The following BBS9 variants were observed in gnomAD, a reference collection of about 807,000 sequenced individuals.
BBS9 encodes protein PTHB1.
Under a neutral mutation model 117.7 loss-of-function variants are expected in BBS9, and 89 were observed. That is an observed-to-expected ratio of 0.76 (90% confidence interval 0.64 to 0.90). The LOEUF (loss-of-function observed/expected upper bound fraction) is 0.90, where lower values mean the gene tolerates loss of function less well. Among genes scored for constraint, BBS9 ranks in the 40% least tolerant of loss-of-function variants. The pLI is 0.00. For missense variants in BBS9, 982 were observed against 1,042.2 expected (o/e 0.94, Z 0.80); for synonymous variants, 379 against 370.9 (o/e 1.02, Z -0.25).
At chr7:33,472,959 C>A (rs1841266706) in intron 19 of BBS9, among the ~76,000 whole-genome samples, 1 of 152,172 alleles carries the variant, frequency 6.6e-6, no homozygotes, top group Non-Finnish European at 1.5e-5. Context: ...GGTGACTTGG[C>A]TGGGTATTGA....
chr7:33,131,156 A>G (rs569732348), intron 1 of BBS9, among the ~76,000 whole-genome samples: 54 of 152,292 alleles, frequency 3.5e-4, no homozygotes, highest in South Asian at 2.7e-3. Context: ...GGCATTCGTA[A>G]TTGTGTCTTG....
chr7:33,381,936 C>A (rs779383331), intron 17 of BBS9, among the ~76,000 whole-genome samples: 1 of 151,976 alleles, frequency 6.6e-6, no homozygotes, highest in Non-Finnish European at 1.5e-5. Flanking sequence ...ATAACCAATC[C>A]GAAGAAGTAA....
At chr7:33,381,790 A>G (rs1258055023) in intron 17 of BBS9, among the ~76,000 whole-genome samples, 1 of 152,182 alleles carries the variant, frequency 6.6e-6, no homozygotes, top group African/African-American at 2.4e-5. Context: ...TTCAGCAGCA[A>G]AGACCAGTGT....
At chr7:33,429,173 C>T (rs987479408) in intron 19 of BBS9, among the ~76,000 whole-genome samples, 2 of 151,878 alleles carry the variant, frequency 1.3e-5, no homozygotes, top group African/African-American at 4.8e-5. Context: ...ATATGTGTAG[C>T]AGTTTTCTTT....
At chr7:33,136,369 A>G (rs1389263677) in intron 1 of BBS9, among the ~76,000 whole-genome samples, 1 of 152,018 alleles carries the variant, frequency 6.6e-6, no homozygotes, top group Admixed American at 6.6e-5. Context: ...CCTAATTGCT[A>G]TAGTTGAGAG....
Position 33,239,131 on chromosome 7 carries a change from A to AT in BBS9, c.443-18099dup, listed in dbSNP as rs1055208719. On this transcript the variant is annotated intron_variant, in intron 5 of 22. Transcript: ENST00000242067. ...ATCTGTGCCAATACCAGGTAGTATC[A>AT]TTTTTTGAAAGTTTTTAAAAGTTCC... is the stretch of plus-strand genomic sequence containing the variant. Among the ~76,000 whole-genome samples the AT allele has an allele frequency of 3.3e-5, 5 of 152,210 alleles. No individual in the cohort carries two copies. In the East Asian group the frequency reaches 7.7e-4, roughly 24 times the overall value.
intron 17 of BBS9, among the ~76,000 whole-genome samples, chr7:33,371,084 T>A (rs1213375300): frequency 6.6e-6 from 1 of 152,148 alleles, no homozygotes; most frequent in Non-Finnish European, 1.5e-5. Flanking sequence ...ATTTTCAGAG[T>A]GTTCAAAATA....
chr7:33,599,240 A>G (rs1021188613), intron 21 of BBS9, among the ~76,000 whole-genome samples: 19 of 151,630 alleles, frequency 1.3e-4, no homozygotes, highest in African/African-American at 2.4e-4. Flanking sequence ...AGATTAGCCA[A>G]CTCCCTAGGT....
At chr7:33,542,774 T>G (rs1852570137) in intron 21 of BBS9, among the ~76,000 whole-genome samples, 1 of 103,202 alleles carries the variant, frequency 9.7e-6, no homozygotes, top group African/African-American at 4.2e-5. Flanking sequence ...TATATGTGAG[T>G]ATATATATAT....
At chr7:33,441,414 T>G (rs1050941844) in intron 19 of BBS9, among the ~76,000 whole-genome samples, 1 of 152,166 alleles carries the variant, frequency 6.6e-6, no homozygotes, top group African/African-American at 2.4e-5. Flanking sequence ...TTGCAAAAAA[T>G]ATTTAATATT....
At chr7:33,295,737 G>A (rs1338526024) in intron 9 of BBS9, among the ~76,000 whole-genome samples, 1 of 151,936 alleles carries the variant, frequency 6.6e-6, no homozygotes, top group Non-Finnish European at 1.5e-5. Flanking sequence ...TTTATATATT[G>A]CAATGTGATT....
intron 5 of BBS9, among the ~76,000 whole-genome samples, chr7:33,180,896 G>A (rs1044589894): frequency 6.9e-6 from 1 of 145,794 alleles, no homozygotes; most frequent in Non-Finnish European, 1.5e-5. Context: ...CTCACATACC[G>A]TGGCGACCAG....
chr7:33,413,686 A>G (rs1241073603), intron 19 of BBS9, among the ~76,000 whole-genome samples: 1 of 152,094 alleles, frequency 6.6e-6, no homozygotes, highest in Non-Finnish European at 1.5e-5. Flanking sequence ...ATGAGGAGCT[A>G]AAGACAGGGA....
intron 9 of BBS9, among the ~76,000 whole-genome samples, chr7:33,292,867 G>A (rs1214024205): frequency 3.3e-5 from 5 of 151,986 alleles, no homozygotes; most frequent in Non-Finnish European, 7.4e-5. Flanking sequence ...TTAGCCAGGC[G>A]CGGTGGCAGG....
At chr7:33,479,445 TG>T (rs1842227025) in intron 19 of BBS9, among the ~76,000 whole-genome samples, 1 of 152,214 alleles carries the variant, frequency 6.6e-6, no homozygotes, top group Admixed American at 6.5e-5. Flanking sequence ...ATTATTTTAT[TG>T]TTTTTTTATG....
rs558503668 is a variant in BBS9 at position 33,290,778 on chromosome 7, T to C, written c.1016+16822T>C. On this transcript the variant is annotated intron_variant, in intron 9 of 22. Coordinates refer to ENST00000242067, the MANE Select transcript of BBS9 (RefSeq NM_198428.3). ...TATGACTTAGAATTAAACATAGAGATTTCTTTATGTATCATTGAAATGAAT... is the reference window on the plus strand; with the variant it reads ...TATGACTTAGAATTAAACATAGAGACTTCTTTATGTATCATTGAAATGAAT... Among the ~76,000 whole-genome samples the C allele has an allele frequency of 1.1e-4, 17 of 152,264 alleles. No individual in the cohort carries two copies. In the South Asian group the frequency reaches 3.5e-3, roughly 32 times the overall value.
intron 21 of BBS9, among the ~76,000 whole-genome samples, chr7:33,627,361 A>T (rs34778531): frequency 0.31 from 47,130 of 152,186 alleles, 8,690 homozygotes; most frequent in African/African-American, 0.5. Context: ...TTCAGGCAGA[A>T]GTCTGCTGCA....
chr7:33,588,402 G>A (rs752832267), intron 21 of BBS9, among the ~76,000 whole-genome samples: 1 of 152,066 alleles, frequency 6.6e-6, no homozygotes, highest in Non-Finnish European at 1.5e-5. Context: ...ATTGATTTTG[G>A]TTTCCGTTGC....
chr7:33,461,029 C>T (rs1839391938), intron 19 of BBS9, among the ~76,000 whole-genome samples: 1 of 151,966 alleles, frequency 6.6e-6, no homozygotes, highest in Non-Finnish European at 1.5e-5. Context: ...GCATAATGTG[C>T]TGAAGGTTTA....
Sources: gnomAD v4.1 joint callset for allele counts (sites outside exome capture counted in the v4.1 genomes callset) on GRCh38, gnomAD v4.1.1 for gene constraint, MANE v1.5 for transcripts, NCBI Gene and HGNC (gene_info 2026-07-23, HGNC 2026-07-21) for gene names.